The following ZDHHC21 variants were observed in gnomAD, a reference collection of about 807,000 sequenced individuals.
ZDHHC21 encodes zDHHC palmitoyltransferase 21.
A neutral mutation model predicts 34.6 loss-of-function variants in ZDHHC21; 15 were observed. The ratio of observed to expected loss-of-function variants is 0.43; its 90% CI spans 0.29 to 0.67. ZDHHC21 has a LOEUF of 0.67. Ranked by LOEUF, ZDHHC21 falls within the 30% of genes least tolerant of loss-of-function variation. The pLI is 0.14. For synonymous variants in ZDHHC21, 142 were observed against 101.8 expected (o/e 1.40, Z -2.38); for missense variants, 344 against 327.7 (o/e 1.05, Z -0.38).
chr9:14,664,594 G>A (rs1298909574), intron 5 of ZDHHC21, among the ~76,000 whole-genome samples: 3 of 150,346 alleles, frequency 2.0e-5, no homozygotes, highest in African/African-American at 7.3e-5. Context: ...AACCTCCACA[G>A]ACTTAAATGT....
intron 7 of ZDHHC21, among the ~76,000 whole-genome samples, chr9:14,657,498 G>C (rs1299724250): frequency 4.7e-5 from 3 of 64,506 alleles, no homozygotes; most frequent in African/African-American, 1.2e-4. Context: ...CACTACCAGA[G>C]GCTGGCAAAG....
At chr9:14,602,892 C>G in the ZDHHC21 span, among the ~76,000 whole-genome samples, 13 of 128,002 alleles carry the variant, frequency 1.0e-4, no homozygotes, top group Admixed American at 5.4e-4. Flanking sequence ...CCACTGCATT[C>G]CAGCAGCCTG....
At chr9:14,669,911 G>T (rs1424352411) in intron 5 of ZDHHC21, among the ~76,000 whole-genome samples, 1 of 144,658 alleles carries the variant, frequency 6.9e-6, no homozygotes, top group Non-Finnish European at 1.5e-5. Context: ...GCTAGATGAC[G>T]AGTTAGTGGG....
chr9:14,672,633 G>A (rs1040675270), intron 5 of ZDHHC21, among the ~76,000 whole-genome samples, 197 bp downstream of exon 5: 2 of 152,026 alleles, frequency 1.3e-5, no homozygotes, highest in African/African-American at 2.4e-5. Flanking sequence ...GAGATGGGGT[G>A]TGGTGAAACT....
chr9:14,683,605 C>T (rs1224118745), intron 2 of ZDHHC21: 2 of 152,218 alleles, frequency 1.3e-5, no homozygotes, highest in African/African-American at 2.4e-5. Context: ...CATTCACAGC[C>T]AAATTCTACC....
the ZDHHC21 span, among the ~76,000 whole-genome samples, chr9:14,592,385 C>T: frequency 1.3e-5 from 2 of 151,938 alleles, no homozygotes; most frequent in South Asian, 2.1e-4. Context: ...TTTACTGCTT[C>T]ATGAAGGATT....
At chr9:14,596,805 G>C in the ZDHHC21 span, among the ~76,000 whole-genome samples, 3 of 152,156 alleles carry the variant, frequency 2.0e-5, no homozygotes, top group Non-Finnish European at 4.4e-5. Flanking sequence ...CGTGGCACTT[G>C]TCTCCTCCAG....
chr9:14,628,533 C>T (rs545360216), intron 8 of ZDHHC21, among the ~76,000 whole-genome samples: 3 of 152,148 alleles, frequency 2.0e-5, no homozygotes, highest in Non-Finnish European at 2.9e-5. Context: ...AAATGATATC[C>T]GTATCAGTAG....
intron 8 of ZDHHC21, among the ~76,000 whole-genome samples, chr9:14,623,037 A>G (rs1259142973): frequency 1.3e-5 from 2 of 152,096 alleles, no homozygotes; most frequent in Non-Finnish European, 2.9e-5. Flanking sequence ...AATGGATCAA[A>G]AACTTCAATG....
intron 6 of ZDHHC21, among the ~76,000 whole-genome samples, chr9:14,659,478 T>C (rs749679474): frequency 1.3e-5 from 2 of 152,160 alleles, no homozygotes; most frequent in African/African-American, 2.4e-5. Flanking sequence ...GAACCCTAAC[T>C]AGGAAAGAGG....
chr9:14,590,807 C>T, the ZDHHC21 span, among the ~76,000 whole-genome samples: 36,374 of 151,860 alleles, frequency 0.24, 5,118 homozygotes, highest in East Asian at 0.31. Flanking sequence ...ACAAAAGGAA[C>T]GAAGAGCACC....
rs926552850 is a variant in ZDHHC21 at position 14,616,436 on chromosome 9, T to C, written c.*2530A>G. The C allele has an allele frequency of 6.6e-6, 1 of 151,836 alleles. No homozygotes were observed. The highest frequency in any genetic ancestry group is 1.5e-5 in the Non-Finnish European group (1 of 67,804). 9.4% of individuals were successfully genotyped at this position (151,836 alleles called of 1,614,324 possible). On this transcript the variant is annotated 3_prime_UTR_variant, in exon 10 of 10. Transcript: ENST00000380916. ...TAACATCATAAAAACATGTTCATTT[T>C]CATAAAATTTTACATTTTTGTACAT...
At chr9:14,687,212 G>C (rs1026368683) in intron 2 of ZDHHC21, among the ~76,000 whole-genome samples, 1 of 150,690 alleles carries the variant, frequency 6.6e-6, no homozygotes, top group African/African-American at 2.5e-5. Context: ...TCACCCATGA[G>C]TCAAATCCCA....
chr9:14,653,106 T>C (rs72704952), intron 7 of ZDHHC21, among the ~76,000 whole-genome samples: 5,153 of 150,678 alleles, frequency 0.034, 126 homozygotes, highest in Non-Finnish European at 0.047. Flanking sequence ...TATCCAAAGA[T>C]AGTTAGGGAC....
intron 2 of ZDHHC21, chr9:14,683,497 C>A (rs531656898): frequency 6.6e-6 from 1 of 151,922 alleles, no homozygotes; most frequent in African/African-American, 2.4e-5. Context: ...AAGACTAAAC[C>A]AGGAAGAAGT....
At chr9:14,619,811 T>A (rs908832805) in intron 8 of ZDHHC21, 129 bp from the exon 9 acceptor site, 2 of 450,708 alleles carry the variant, frequency 4.4e-6, no homozygotes, top group African/African-American at 4.1e-5. Flanking sequence ...TATATGAGTA[T>A]TATGAATTTT....
downstream of ZDHHC21, among the ~76,000 whole-genome samples, chr9:14,610,071 G>A (rs563526433): frequency 6.6e-5 from 10 of 152,096 alleles, no homozygotes; most frequent in African/African-American, 2.4e-4. Context: ...ATGAGTTTAT[G>A]TTTAAATGAA....
chr9:14,676,191 T>C (rs187912734), intron 3 of ZDHHC21, among the ~76,000 whole-genome samples: 4 of 152,026 alleles, frequency 2.6e-5, no homozygotes, highest in Admixed American at 2.0e-4. Context: ...AAGCCAAAAT[T>C]AGGTTTGCAG....
At chr9:14,677,980 T>C (rs189951365) in intron 3 of ZDHHC21, among the ~76,000 whole-genome samples, 2 of 152,256 alleles carry the variant, frequency 1.3e-5, no homozygotes, top group East Asian at 1.9e-4. Context: ...CGTATGTCTA[T>C]GCTTACAGTT....
Sources: gnomAD v4.1 joint callset for allele counts (sites outside exome capture counted in the v4.1 genomes callset) on GRCh38, gnomAD v4.1.1 for gene constraint, MANE v1.5 for transcripts, NCBI Gene and HGNC (gene_info 2026-07-23, HGNC 2026-07-21) for gene names.